Variants in ADGRD1 observed in about 807,000 individuals in gnomAD.
The protein encoded by ADGRD1 is adhesion G protein-coupled receptor D1.
Under a neutral mutation model 113.4 loss-of-function variants are expected in ADGRD1, and 77 were observed. That is an observed-to-expected ratio of 0.68 (90% CI 0.57 to 0.82). The LOEUF (loss-of-function observed/expected upper bound fraction) is 0.82. Among genes scored for constraint, ADGRD1 ranks in the 40% least tolerant of loss-of-function variants. The probability of loss-of-function intolerance (pLI) is 0.00; values close to 1 mark genes in which losing one functional copy is unlikely to be tolerated. For synonymous variants in ADGRD1, 474 were observed against 475.0 expected (o/e 1.00, Z 0.03); for missense variants, 1,036 against 1,139.1 (o/e 0.91, Z 1.30).
intron 20 of ADGRD1, among the ~76,000 whole-genome samples, chr12:131,127,166 T>C (rs1465322832): frequency 6.6e-6 from 1 of 152,128 alleles, no homozygotes; most frequent in Admixed American, 6.5e-5. Flanking sequence ...GGAAAGATGA[T>C]GAATTCTGAC....
intron 13 of ADGRD1, among the ~76,000 whole-genome samples, chr12:131,015,157 CTG>C (rs1878406222): frequency 6.6e-6 from 1 of 152,282 alleles, no homozygotes; most frequent in African/African-American, 2.4e-5. Context: ...AAGGCCGACT[CTG>C]TGCGCATACC....
intron 13 of ADGRD1, among the ~76,000 whole-genome samples, chr12:131,032,360 T>G (rs1338763305): frequency 2.6e-5 from 4 of 152,070 alleles, no homozygotes; most frequent in Admixed American, 6.5e-5. Flanking sequence ...ATCTCACGGG[T>G]TCTGACGCCT....
intron 13 of ADGRD1, among the ~76,000 whole-genome samples, chr12:131,049,350 C>T (rs983415382): frequency 6.6e-6 from 1 of 152,228 alleles, no homozygotes; most frequent in African/African-American, 2.4e-5. Context: ...CTCTCACTCC[C>T]GCCCCACCTG....
chr12:131,001,717 C>T (rs576317588), intron 9 of ADGRD1, among the ~76,000 whole-genome samples: 125 of 152,236 alleles, frequency 8.2e-4, no homozygotes, highest in African/African-American at 1.4e-3. Flanking sequence ...ATCTGTCTTC[C>T]GGTGCTGGCT....
chr12:131,051,557 C>A (rs1883397421), intron 13 of ADGRD1, among the ~76,000 whole-genome samples: 1 of 150,762 alleles, frequency 6.6e-6, no homozygotes, highest in African/African-American at 2.4e-5. Flanking sequence ...TATCTTGGCT[C>A]ACTGCAACCT....
chr12:131,034,784 T>C (rs1005107550), intron 13 of ADGRD1, among the ~76,000 whole-genome samples: 1 of 152,136 alleles, frequency 6.6e-6, no homozygotes, highest in African/African-American at 2.4e-5. Context: ...CCTGAGGCTC[T>C]CTCCTTCACC....
Position 130,954,871 on chromosome 12 carries a change from G to A in ADGRD1, c.103+211G>A, listed in dbSNP as rs1032503862. 1.3e-5 allele frequency among the ~76,000 whole-genome samples: 2 copies of A among 151,992 alleles called. No homozygotes were observed. Among genetic ancestry groups the A allele is most frequent in the African/African-American group, 2.4e-5 (1 of 41,370 alleles). On this transcript the variant is annotated intron_variant, in intron 2 of 24. Transcript: ENST00000261654. The surrounding 1 kb of genome is among the most constrained non-coding windows in gnomAD (Gnocchi z 4.7). ...AGCGGTGGATGGAGAAGTGGTTCTGGGCCCCTTGAGCTGGGTCATATGAAA... is the reference window on the plus strand; with the variant it reads ...AGCGGTGGATGGAGAAGTGGTTCTGAGCCCCTTGAGCTGGGTCATATGAAA...
At chr12:131,117,649 G>A (rs951348724) in intron 18 of ADGRD1, among the ~76,000 whole-genome samples, 4 of 152,166 alleles carry the variant, frequency 2.6e-5, no homozygotes, top group African/African-American at 9.7e-5. Context: ...TGATGTTCCA[G>A]TCAGCCAGTC....
At chr12:130,995,624 C>G (rs1875159007) in intron 8 of ADGRD1, among the ~76,000 whole-genome samples, 2 of 152,194 alleles carry the variant, frequency 1.3e-5, no homozygotes, top group African/African-American at 4.8e-5. Flanking sequence ...TCAAGGCCAC[C>G]TGTCTGTAAC....
At chr12:131,097,758 C>T (rs1324168805) in intron 15 of ADGRD1, among the ~76,000 whole-genome samples, 2 of 152,188 alleles carry the variant, frequency 1.3e-5, no homozygotes, top group Admixed American at 6.5e-5. Context: ...CCAGCCTGGC[C>T]GGGACAGGGT....
chr12:130,988,561 A>G lies in ADGRD1; in HGVS notation c.745+1212A>G, dbSNP rs537048332. 2.6e-5 allele frequency: 4 copies of G among 152,354 alleles called. No homozygotes were observed. In the South Asian group the frequency reaches 8.3e-4, roughly 32 times the overall value. 9.4% of individuals were successfully genotyped at this position (152,354 alleles called of 1,614,324 possible). The stretch of plus-strand genomic sequence containing the variant: ...CAATTCAAGATAACTTTAGCCAAGA[A>G]AGCCATGTGTTTCTTTTTCATCTCT... On this transcript the variant is annotated intron_variant, in intron 6 of 24. Transcript: ENST00000261654.
chr12:131,047,224 G>A (rs1403223442), intron 13 of ADGRD1, among the ~76,000 whole-genome samples: 3 of 152,236 alleles, frequency 2.0e-5, no homozygotes, highest in African/African-American at 7.2e-5. Flanking sequence ...TTGAGGGCAG[G>A]GGCGAGTCCT....
chr12:131,093,617 G>A (rs767514868), intron 15 of ADGRD1, among the ~76,000 whole-genome samples: 42 of 152,320 alleles, frequency 2.8e-4, no homozygotes, highest in Non-Finnish European at 4.4e-4. Context: ...TCACAGGCGG[G>A]ACTGTGCCAA....
chr12:130,967,096 C>T (rs931260839), intron 3 of ADGRD1: 16 of 450,084 alleles, frequency 3.6e-5, no homozygotes, highest in African/African-American at 2.4e-4. Context: ...AATGGACTAG[C>T]GTCATCTGCA....
At chr12:131,067,976 G>C (rs111603507) in intron 13 of ADGRD1, among the ~76,000 whole-genome samples, 3 of 123,498 alleles carry the variant, frequency 2.4e-5, no homozygotes, top group South Asian at 3.2e-4. Context: ...ATGTCTGATC[G>C]CTGTGCCCCT....
Position 131,084,492 on chromosome 12 carries a change from C to A in ADGRD1, c.1548-48C>A. ...GGTGCTGCTCTCAGTCCCCTGCCTGCCAAGGGTGCGGTGCTACCTCCTCTG... is the reference window on the plus strand; with the variant it reads ...GGTGCTGCTCTCAGTCCCCTGCCTGACAAGGGTGCGGTGCTACCTCCTCTG... On this transcript the variant is annotated intron_variant, in intron 14 of 24. Coordinates refer to ENST00000261654, the MANE Select transcript of ADGRD1 (RefSeq NM_198827.5). This position sits in a 1 kb window ranked among gnomAD's most constrained non-coding sequence, Gnocchi z 4.5. 1 of 1,611,426 alleles carries A rather than the reference C, an allele frequency of 6.2e-7. No homozygotes were observed. Among genetic ancestry groups the A allele is most frequent in the Non-Finnish European group, 8.5e-7 (1 of 1,178,560 alleles).
At chr12:131,006,605 C>T (rs1205737106) in intron 12 of ADGRD1, among the ~76,000 whole-genome samples, 1 of 150,840 alleles carries the variant, frequency 6.6e-6, no homozygotes, top group Non-Finnish European at 1.5e-5. Flanking sequence ...CTGGCTCCTG[C>T]AGCATCGCCT....
chr12:131,134,047 A>T (rs920467587), intron 21 of ADGRD1, among the ~76,000 whole-genome samples: 2 of 152,194 alleles, frequency 1.3e-5, no homozygotes, highest in African/African-American at 4.8e-5. Context: ...CCTGGCTTTC[A>T]CTTTTTAAAA....
intron 8 of ADGRD1, among the ~76,000 whole-genome samples, chr12:130,996,661 AC>A (rs1159380728): frequency 4.3e-5 from 3 of 70,206 alleles, no homozygotes; most frequent in Admixed American, 1.4e-4. Flanking sequence ...CGGGGGGCTG[AC>A]CCCCCCACCT....
Sources: allele counts gnomAD v4.1 joint callset (sites outside exome capture counted in the v4.1 genomes callset), GRCh38; gene constraint gnomAD v4.1.1; non-coding constraint Gnocchi (gnomAD v3.1); transcripts MANE v1.5; gene names NCBI Gene and HGNC (gene_info 2026-07-23, HGNC 2026-07-21).